Variants in LRFN5 observed in about 807,000 individuals in gnomAD.
The protein encoded by LRFN5 is leucine rich repeat and fibronectin type III domain containing 5.
LRFN5 carries 24 observed loss-of-function variants against 45.6 expected under a neutral mutation model. The ratio of observed to expected loss-of-function variants is 0.53; its 90% confidence interval spans 0.38 to 0.74. LRFN5 has a LOEUF of 0.74. LRFN5 is among the 30% of genes least tolerant of loss of function. The pLI, the probability that LRFN5 is intolerant of heterozygous loss-of-function variation, is 0.00. For missense variants in LRFN5, 776 were observed against 861.5 expected (o/e 0.90, Z 1.24); for synonymous variants, 340 against 313.8 (o/e 1.08, Z -0.88).
intron 1 of LRFN5, chr14:41,700,337 C>T (rs770949365): frequency 3.3e-5 from 5 of 151,776 alleles, no homozygotes; most frequent in Admixed American, 6.6e-5. Flanking sequence ...TGTAAAGAGG[C>T]AAAAATGAAT....
chr14:41,665,949 G>A (rs117020758), intron 1 of LRFN5, among the ~76,000 whole-genome samples: 2 of 151,894 alleles, frequency 1.3e-5, no homozygotes, highest in Non-Finnish European at 2.9e-5. Flanking sequence ...TAACTTTGTT[G>A]TCAAGGAATA....
At chr14:41,824,628 T>C (rs1888232058) in intron 2 of LRFN5, among the ~76,000 whole-genome samples, 2 of 152,110 alleles carry the variant, frequency 1.3e-5, no homozygotes, top group South Asian at 4.1e-4. Flanking sequence ...AGGTGGTGTT[T>C]ATGGGTAAAA....
intron 1 of LRFN5, among the ~76,000 whole-genome samples, chr14:41,707,085 G>T (rs1488975961): frequency 6.6e-6 from 1 of 152,132 alleles, no homozygotes; most frequent in African/African-American, 2.4e-5. Context: ...TGCCTATATA[G>T]TATTAACTGG....
intron 1 of LRFN5, among the ~76,000 whole-genome samples, chr14:41,673,419 G>GA (rs1056375011): frequency 1.4e-5 from 2 of 143,666 alleles, no homozygotes; most frequent in Non-Finnish European, 3.0e-5. Context: ...CTCACTGCCG[G>GA]ACCGGGCGGC....
chr14:41,873,837 G>A (rs1199593530), intron 2 of LRFN5, among the ~76,000 whole-genome samples: 1 of 152,006 alleles, frequency 6.6e-6, no homozygotes, highest in Non-Finnish European at 1.5e-5. Flanking sequence ...TATGGCAACA[G>A]CACAACAGAG....
At chr14:41,684,293 T>G (rs532050664) in intron 1 of LRFN5, among the ~76,000 whole-genome samples, 1 of 152,116 alleles carries the variant, frequency 6.6e-6, no homozygotes, top group Non-Finnish European at 1.5e-5. Flanking sequence ...CACACCGCTA[T>G]AAAGAGCTGT....
chr14:41,704,841 T>A (rs1339273863), intron 1 of LRFN5, among the ~76,000 whole-genome samples: 1 of 152,112 alleles, frequency 6.6e-6, no homozygotes, highest in Non-Finnish European at 1.5e-5. Flanking sequence ...AAACCTATTA[T>A]GTTAGCTGGA....
At chr14:41,799,698 T>C (rs1887258358) in intron 2 of LRFN5, among the ~76,000 whole-genome samples, 2 of 152,076 alleles carry the variant, frequency 1.3e-5, no homozygotes, top group African/African-American at 4.8e-5. Context: ...ATTGATTTAC[T>C]GTCAGTTTTA....
At chr14:41,641,265 A>C (rs569814454) in intron 1 of LRFN5, among the ~76,000 whole-genome samples, 154 of 152,156 alleles carry the variant, frequency 1.0e-3, no homozygotes, top group African/African-American at 3.4e-3. Context: ...ATTAACTATA[A>C]ATTCAGGTAT....
chr14:41,650,549 T>C (rs1004107134), intron 1 of LRFN5, among the ~76,000 whole-genome samples: 1 of 152,164 alleles, frequency 6.6e-6, no homozygotes, highest in African/African-American at 2.4e-5. Context: ...TGATAGAACC[T>C]TTCTAAGAAG....
intron 1 of LRFN5, among the ~76,000 whole-genome samples, chr14:41,617,114 A>G (rs941666213): frequency 6.6e-6 from 1 of 152,144 alleles, no homozygotes; most frequent in Non-Finnish European, 1.5e-5. Flanking sequence ...GGACAAGCAC[A>G]TGAGCTTTCC....
In LRFN5 at chr14:41,859,122, A is replaced by T. The variant is rs139894480; in HGVS notation, c.-20-27484A>T. Among the ~76,000 whole-genome samples, 12 of 152,266 alleles carry T rather than the reference A, an allele frequency of 7.9e-5. No individual in the cohort carries two copies. The East Asian group carries it at 2.1e-3, about 27-fold the overall frequency. ...GGTGAAATTATTCTCACCAGGGCCA[A>T]CTTCAAGCTACCTTTGTCAGGTGAA... On this transcript the variant is annotated intron_variant, in intron 2 of 5. Transcript: ENST00000298119.
chr14:41,894,336 C>T (rs1201891713), intron 4 of LRFN5: 3 of 884,218 alleles, frequency 3.4e-6, no homozygotes, highest in Non-Finnish European at 4.1e-6. Flanking sequence ...TTCTCATAGA[C>T]ATTTAAAATT....
At chr14:41,632,652 G>A (rs1888585606) in intron 1 of LRFN5, among the ~76,000 whole-genome samples, 1 of 152,086 alleles carries the variant, frequency 6.6e-6, no homozygotes, top group Non-Finnish European at 1.5e-5. Flanking sequence ...TTATACAGAT[G>A]AGGAACTTAG....
intron 2 of LRFN5, among the ~76,000 whole-genome samples, chr14:41,769,154 T>A (rs542825301): frequency 6.6e-6 from 1 of 151,912 alleles, no homozygotes; most frequent in African/African-American, 2.4e-5. Flanking sequence ...TGAAAATTCA[T>A]AGGACATCCA....
At chr14:41,747,407 C>T (rs1884965079) in intron 1 of LRFN5, among the ~76,000 whole-genome samples, 1 of 151,922 alleles carries the variant, frequency 6.6e-6, no homozygotes, top group Non-Finnish European at 1.5e-5. Flanking sequence ...TTATTTTTGA[C>T]AAGGTTGCCA....
chr14:41,657,503 G>C (rs1345959906), intron 1 of LRFN5, among the ~76,000 whole-genome samples: 2 of 151,900 alleles, frequency 1.3e-5, no homozygotes, highest in African/African-American at 4.8e-5. Flanking sequence ...TAGTCTCTAC[G>C]AAAATAGTTA....
chr14:41,854,459 A>C (rs1889383949), intron 2 of LRFN5, among the ~76,000 whole-genome samples: 1 of 152,148 alleles, frequency 6.6e-6, no homozygotes, highest in Non-Finnish European at 1.5e-5. Context: ...ATGTATACAT[A>C]TGTAACAGAC....
At chr14:41,731,952 G>A (rs903972837) in intron 1 of LRFN5, 3 of 152,110 alleles carry the variant, frequency 2.0e-5, no homozygotes, top group Non-Finnish European at 4.4e-5. Flanking sequence ...GGTGATTCTG[G>A]AATGATGGCA....
Sources: gnomAD v4.1 joint callset for allele counts (sites outside exome capture counted in the v4.1 genomes callset) on GRCh38, gnomAD v4.1.1 for gene constraint, MANE v1.5 for transcripts, NCBI Gene and HGNC (gene_info 2026-07-23, HGNC 2026-07-21) for gene names.